Variants in MRPS18B observed in about 807,000 individuals in gnomAD.
MRPS18B encodes the protein mitochondrial ribosomal protein S18B, also known as small ribosomal subunit protein mS40.
MRPS18B carries 27 observed loss-of-function variants against 28.4 expected under a neutral mutation model. That is an observed-to-expected ratio of 0.95 (90% confidence interval 0.70 to 1.31). The LOEUF (loss-of-function observed/expected upper bound fraction) is 1.31. Among genes scored for constraint, MRPS18B ranks in the 40% most tolerant of loss-of-function variants. The probability of loss-of-function intolerance (pLI) is 0.00; values close to 1 mark genes in which losing one functional copy is unlikely to be tolerated. For synonymous variants in MRPS18B, 118 were observed against 123.7 expected (o/e 0.95, Z 0.30); for missense variants, 343 against 335.9 (o/e 1.02, Z -0.17).
Position 30,624,915 on chromosome 6 carries a change from C to A in MRPS18B, c.454C>A (p.Gln152Lys). The A allele has an allele frequency of 6.2e-7, 1 of 1,613,018 alleles. No individual in the cohort carries two copies. Among genetic ancestry groups the A allele is most frequent in the African/African-American group, 1.3e-5 (1 of 75,036 alleles). ...TGTGAAGCAGCACAAGCGGTTGACC[C>A]AGGCCATCCAGAAAGCCAGGGATCA... ...VCVKQHKRLTQAIQKARDHGL... is the reference protein window; with the variant it reads ...VCVKQHKRLTKAIQKARDHGL... Residue 152 changes from glutamine (Q) to lysine (K), a missense_variant, in exon 6 of 7, where the codon CAG becomes AAG. Physicochemically the swap from Gln to Lys is moderately conservative, Grantham distance 53 (BLOSUM62 1). Coordinates refer to ENST00000259873, the MANE Select transcript of MRPS18B (RefSeq NM_014046.4).
At chr6:30,620,817 C>G (rs1160197396) in intron 4 of MRPS18B, among the ~76,000 whole-genome samples, 1 of 152,134 alleles carries the variant, frequency 6.6e-6, no homozygotes. Flanking sequence ...ACCCACCCGC[C>G]TCGGCCTCCC....
At chr6:30,619,003 C>T (rs987240747) in intron 1 of MRPS18B, among the ~76,000 whole-genome samples, 2 of 152,118 alleles carry the variant, frequency 1.3e-5, no homozygotes, top group Admixed American at 6.6e-5. Context: ...CTGCAACCTC[C>T]GCCTCCCGGG....
In MRPS18B at chr6:30,625,657, C is replaced by T. The variant is rs1582719268; in HGVS notation, c.637C>T (p.Leu213=). ...YNWKQPPERE[L]SRLRRLYQGH... ...CTGGAAACAGCCACCGGAGAGAGAA[C>T]TGTCTCGCCTTCGCCGGCTTTACCA... The change falls in exon 7 of 7, where the codon CTG becomes TTG. Residue 213 remains leucine (L), a synonymous_variant. Coordinates refer to ENST00000259873, the MANE Select transcript of MRPS18B (RefSeq NM_014046.4). 1 of 1,613,044 alleles carries T rather than the reference C, an allele frequency of 6.2e-7. No homozygotes were observed. The highest frequency in any genetic ancestry group is 2.2e-5 in the East Asian group (1 of 44,886).
Position 30,619,949 on chromosome 6 carries a change from G to T in MRPS18B, c.314G>T (p.Cys105Phe). 1 of 1,614,132 alleles carries T rather than the reference G, an allele frequency of 6.2e-7. No homozygotes were observed. Among genetic ancestry groups the T allele is most frequent in the East Asian group, 2.2e-5 (1 of 44,882 alleles). ...CGGAATAAAGTTGTTGGGAATCCCT[G>T]CCCCATCTGTCGAGATCACAAGTTG... is the stretch of plus-strand genomic sequence containing the variant. ...IRRNKVVGNP[C>F]PICRDHKLHV... The change falls in exon 4 of 7, where the codon TGC becomes TTC. Residue 105 changes from cysteine to phenylalanine, a missense_variant. Coordinates refer to ENST00000259873, the MANE Select transcript of MRPS18B (RefSeq NM_014046.4).
intron 4 of MRPS18B, among the ~76,000 whole-genome samples, chr6:30,620,295 C>T (rs947390163): frequency 8.0e-5 from 12 of 150,110 alleles, no homozygotes; most frequent in Non-Finnish European, 1.6e-4. Context: ...CTAGCCTGGG[C>T]GACAGAGTGA....
intron 5 of MRPS18B, among the ~76,000 whole-genome samples, chr6:30,623,562 C>T (rs1455391052): frequency 6.6e-6 from 1 of 152,118 alleles, no homozygotes; most frequent in Non-Finnish European, 1.5e-5. Flanking sequence ...TATTTATTCC[C>T]TAACTACAGT....
intron 2 of MRPS18B, 41 bp from the exon 3 acceptor site, chr6:30,619,668 C>T (rs769085482): frequency 6.2e-7 from 1 of 1,610,000 alleles, no homozygotes. Context: ...CCACCCACTA[C>T]ACTCCCACCC....
In MRPS18B at chr6:30,617,944, G is replaced by T. The variant is rs531955669; in HGVS notation, c.78+1G>T. The T allele has an allele frequency of 6.2e-7, 1 of 1,614,076 alleles. No homozygotes were observed. Among genetic ancestry groups the T allele is most frequent in the South Asian group, 1.1e-5 (1 of 91,082 alleles). On this transcript the variant is annotated splice_donor_variant, in intron 1 of 6. Coordinates refer to ENST00000259873, the MANE Select transcript of MRPS18B (RefSeq NM_014046.4). LOFTEE classifies it high-confidence loss of function. ...CTTCCGAGGTTCTCACAGAGTTCAG[G>T]TAACTCTTCGAAAGACATTTTGCAC...
chr6:30,619,354 A>G, intron 1 of MRPS18B, 139 bp from the exon 2 acceptor site: 1 of 652,718 alleles, frequency 1.5e-6, no homozygotes. Flanking sequence ...CCCAACAAAA[A>G]TACTTAACTT....
rs1582719268 is a variant in MRPS18B at position 30,625,657 on chromosome 6, C to G, written c.637C>G (p.Leu213Val). ...CTGGAAACAGCCACCGGAGAGAGAA[C>G]TGTCTCGCCTTCGCCGGCTTTACCA... ...YNWKQPPERELSRLRRLYQGH... is the reference protein window; with the variant it reads ...YNWKQPPEREVSRLRRLYQGH... The change falls in exon 7 of 7, where the codon CTG becomes GTG. Residue 213 changes from leucine to valine, a missense_variant. Physicochemically the swap from Leu to Val is conservative, Grantham distance 32. Coordinates refer to ENST00000259873, the MANE Select transcript of MRPS18B (RefSeq NM_014046.4). 1 of 1,613,044 alleles carries G rather than the reference C, an allele frequency of 6.2e-7. No individual in the cohort carries two copies. Among genetic ancestry groups the G allele is most frequent in the East Asian group, 2.2e-5 (1 of 44,886 alleles).
intron 4 of MRPS18B, among the ~76,000 whole-genome samples, chr6:30,622,518 C>T (rs567070415): frequency 7.5e-4 from 108 of 144,724 alleles, no homozygotes; most frequent in African/African-American, 2.6e-3. Flanking sequence ...GCTGAGATCG[C>T]GCCACTGCAC....
chr6:30,619,159 G>A (rs1456265816), intron 1 of MRPS18B, among the ~76,000 whole-genome samples: 4 of 152,074 alleles, frequency 2.6e-5, no homozygotes, highest in African/African-American at 9.7e-5. Context: ...CTCATGATCC[G>A]CCTGCCTGGG....
chr6:30,620,322 A>T (rs1011794451), intron 4 of MRPS18B, among the ~76,000 whole-genome samples: 7 of 152,112 alleles, frequency 4.6e-5, no homozygotes, highest in African/African-American at 9.6e-5. Flanking sequence ...GTCTCAAAAA[A>T]AAAATAAAAT....
At position 30,619,504 on chromosome 6, in the gene MRPS18B, G is replaced by A. The variant is rs1456608246; in HGVS notation, c.90G>A (p.Gln30=). 2.0e-5 allele frequency: 32 copies of A among 1,612,400 alleles called. No individual in the cohort carries two copies. The highest frequency in any genetic ancestry group is 2.5e-5 in the Non-Finnish European group (29 of 1,179,734). Residue 30 remains glutamine (Q), a synonymous_variant, in exon 2 of 7, where the codon CAG becomes CAA. Coordinates refer to ENST00000259873, the MANE Select transcript of MRPS18B (RefSeq NM_014046.4). ...CTTCTCCTTTGTAGGTTCCCCTCCA[G>A]ACTCTTTGCACCAAAGCTCCCTCTG... ...RGSHRVQVPL[Q]TLCTKAPSEE...
At chr6:30,621,659 T>C (rs1037434900) in intron 4 of MRPS18B, among the ~76,000 whole-genome samples, 2 of 151,934 alleles carry the variant, frequency 1.3e-5, no homozygotes, top group Non-Finnish European at 2.9e-5. Flanking sequence ...AAAAAGAGAT[T>C]ATGGCCAGGT....
chr6:30,625,588 G>C lies in MRPS18B; in HGVS notation c.568G>C (p.Ala190Pro), dbSNP rs564504951. 47 of 1,611,534 alleles carry C rather than the reference G, an allele frequency of 2.9e-5. No homozygotes were observed. In the African/African-American group the frequency reaches 5.6e-4, roughly 19 times the overall value. Reference protein sequence around the residue: ...SHGAVSATPPAPTLVSGDPWY... With the variant: ...SHGAVSATPPPPTLVSGDPWY... ...TGGGGCTGTGAGTGCTACTCCGCCA[G>C]CCCCCACCCTGGTCTCAGGTGACCC... Residue 190 changes from alanine to proline, a missense_variant, in exon 7 of 7, where the codon GCC becomes CCC. By Grantham distance (27) the Ala-to-Pro change is conservative. Transcript: ENST00000259873.
chr6:30,620,355 AAAAT>A (rs1418997572), intron 4 of MRPS18B, among the ~76,000 whole-genome samples: 1 of 152,010 alleles, frequency 6.6e-6, no homozygotes, highest in African/African-American at 2.4e-5. Context: ...ATTAAAAAGA[AAAAT>A]AAAGATTAGG....
rs1017786454 is a variant in MRPS18B, at chr6:30,624,799, A to G, written c.422-84A>G. On this transcript the variant is annotated intron_variant, in intron 5 of 6. Coordinates refer to ENST00000259873, the MANE Select transcript of MRPS18B (RefSeq NM_014046.4). ...CATTAGGTAAAGCCAATCCTTCCCA[A>G]TCTACCCCTCTGTCACCATATGGAA... The G allele has an allele frequency of 8.0e-6, 12 of 1,497,418 alleles. No individual in the cohort carries two copies. In the African/African-American group the frequency reaches 9.6e-5, roughly 12 times the overall value. The allele number at this position is 1,497,418 out of a possible 1,614,324, so 92.8% of individuals were successfully genotyped here.
chr6:30,624,588 CTAAT>C (rs1211517177), intron 5 of MRPS18B, among the ~76,000 whole-genome samples: 5 of 152,196 alleles, frequency 3.3e-5, no homozygotes, highest in African/African-American at 9.6e-5. Context: ...ACTCAACCCT[CTAAT>C]TAACCACACT....
Sources: gnomAD v4.1 joint callset for allele counts (sites outside exome capture counted in the v4.1 genomes callset) on GRCh38, gnomAD v4.1.1 for gene constraint, MANE v1.5 for transcripts, NCBI Gene and HGNC (gene_info 2026-07-23, HGNC 2026-07-21) for gene names.